The following GJA9 variants were observed in gnomAD, a reference collection of about 807,000 sequenced individuals.
GJA9 encodes gap junction alpha-9 protein.
In GJA9, 1 loss-of-function variant was observed where a neutral mutation model predicts 0.4. The ratio of observed to expected loss-of-function variants is 2.50; its 90% CI spans 0.89 to 11.88. The LOEUF is 11.88. Ranked by LOEUF, GJA9 falls within the 30% of genes most tolerant of loss-of-function variation. GJA9 has a pLI of 0.12. For synonymous variants in GJA9, 190 were observed against 219.1 expected, an observed-to-expected ratio of 0.87 and a Z score of 1.17; for missense variants, 550 against 602.8, an observed-to-expected ratio of 0.91 and a Z score of 0.92.
Position 38,876,085 on chromosome 1 carries a change from T to C in GJA9, c.14A>G (p.Asn5Ser). 1.2e-6 allele frequency: 2 copies of C among 1,613,192 alleles called. No individual in the cohort carries two copies. The highest frequency in any genetic ancestry group is 1.7e-6 in the Non-Finnish European group (2 of 1,179,300). ...TTCCTCCAGAGTATCTCCAAGGAGA[T>C]TCCAGTCCCCCATGTTTATTTAGTC... MGDW[N>S]LLGDTLEEVH... is the part of the protein sequence containing the mutation. Residue 5 changes from asparagine (N) to serine (S), a missense_variant, in exon 2 of 2, where the codon AAT (asparagine) becomes AGT (serine). Transcript: ENST00000357771.
Position 38,874,866 on chromosome 1 carries a change from C to T in GJA9, c.1233G>A (p.Leu411=), listed in dbSNP as rs371357021. Residue 411 remains leucine, a synonymous_variant, in exon 2 of 2, where the codon TTG becomes TTA. Coordinates refer to ENST00000357771, the MANE Select transcript of GJA9 (RefSeq NM_030772.5). ...MRQSPQTVFS[L]PANCDWKPRW... is the part of the protein sequence containing the mutation. ...GCGGTTTCCAATCGCAGTTAGCTGG[C>T]AAGGAGAAAACTGTTTGGGGTGACT... The T allele has an allele frequency of 6.2e-7, 1 of 1,614,046 alleles. No individual in the cohort carries two copies. The highest frequency in any genetic ancestry group is 1.3e-5 in the African/African-American group (1 of 74,902).
In GJA9 at chr1:38,875,204, T is replaced by C; in HGVS notation, c.895A>G (p.Ser299Gly). ...EKQTHTAVYP[S>G]LNSSSVFQPN... ...TGGAATACAGAAGATGAATTTAAAC[T>C]AGGGTACACTGCAGTGTGTGTTTGC... is the stretch of plus-strand genomic sequence containing the variant. The change falls in exon 2 of 2, where the codon AGT (serine) becomes GGT (glycine). Residue 299 changes from serine to glycine, a missense_variant. Coordinates refer to ENST00000357771, the MANE Select transcript of GJA9 (RefSeq NM_030772.5). 1 of 1,614,168 alleles carries C rather than the reference T, an allele frequency of 6.2e-7. No homozygotes were observed. Among genetic ancestry groups the C allele is most frequent in the Non-Finnish European group, 8.5e-7 (1 of 1,179,998 alleles).
chr1:38,878,383 G>A (rs9439082), intron 1 of GJA9, among the ~76,000 whole-genome samples: 54,440 of 150,896 alleles, frequency 0.36, 10,956 homozygotes, highest in Non-Finnish European at 0.45. Context: ...AAATTCTTAC[G>A]TTAAAATGAA....
Position 38,877,659 on chromosome 1 carries a change from G to A in GJA9, c.-95-1466C>T, listed in dbSNP as rs1436360297. On this transcript the variant is annotated intron_variant, in intron 1 of 1. Transcript: ENST00000357771. ...TTACAGGCGCCTGCCAACACCCCCC[G>A]GGATAATTTTTTGTATTTTAGTAGA... Among the ~76,000 whole-genome samples the A allele has an allele frequency of 3.3e-5, 5 of 151,968 alleles. No individual in the cohort carries two copies. The East Asian group carries it at 5.9e-4, about 18-fold the overall frequency.
chr1:38,878,030 A>G (rs928364472), intron 1 of GJA9, among the ~76,000 whole-genome samples: 7 of 152,150 alleles, frequency 4.6e-5, no homozygotes, highest in Non-Finnish European at 1.0e-4. Flanking sequence ...ATTTATGAAT[A>G]TGTATAAAGT....
At position 38,875,959 on chromosome 1, in the gene GJA9, T is replaced by C; in HGVS notation, c.140A>G (p.Asp47Gly). The change falls in exon 2 of 2, where the codon GAT becomes GGT. Residue 47 changes from aspartate (D) to glycine (G), a missense_variant. By Grantham distance (94) the Asp-to-Gly change is moderately conservative. Transcript: ENST00000357771. The part of the protein sequence containing the change: ...LGVAAEDVWN[D>G]EQSGFICNTE... ...ATTGCAGATGAAGCCAGACTGCTCA[T>C]CATTCCAGACATCTTCAGCTGCTAC... 1 of 1,614,206 alleles carries C rather than the reference T, an allele frequency of 6.2e-7. No homozygotes were observed. The highest frequency in any genetic ancestry group is 8.5e-7 in the Non-Finnish European group (1 of 1,180,036).
At chr1:38,876,341 A>ACAACTCCCTGCAGCCT (rs1642587567) in intron 1 of GJA9, 148 bp from the exon 2 acceptor site, 4 of 501,246 alleles carry the variant, frequency 8.0e-6, no homozygotes, top group African/African-American at 2.0e-5. Context: ...TGTTGCAACC[A>ACAACTCCCTGCAGCCT]CAACTCCCTG....
rs1163867413 is a variant in GJA9 at position 38,874,194 on chromosome 1, A to G, written c.*357T>C. ...GCAAACAGAATTAACCCAGTGTCCA[A>G]GGTGGAATTGTATAGATCAAGAACC... On this transcript the variant is annotated 3_prime_UTR_variant, in exon 2 of 2. Coordinates refer to ENST00000357771, the MANE Select transcript of GJA9 (RefSeq NM_030772.5). 5 of 351,666 alleles carry G rather than the reference A, an allele frequency of 1.4e-5. No individual in the cohort carries two copies. Among genetic ancestry groups the G allele is most frequent in the African/African-American group, 4.2e-5 (2 of 47,120 alleles). The allele number at this position is 351,666 out of a possible 1,614,324, so 21.8% of individuals were successfully genotyped here. A position where few individuals can be genotyped will look rare whatever the true frequency, so the allele number is the denominator to read the frequency against.
Position 38,875,186 on chromosome 1 carries a change from C to G in GJA9, c.913G>C (p.Val305Leu). Residue 305 changes from valine (V) to leucine (L), a missense_variant, in exon 2 of 2, where the codon GTA becomes CTA. By Grantham distance (32) the Val-to-Leu change is conservative. Coordinates refer to ENST00000357771, the MANE Select transcript of GJA9 (RefSeq NM_030772.5). Reference sequence around the variant, plus strand: ...TGATTGTCAGGATTTGGCTGGAATACAGAAGATGAATTTAAACTAGGGTAC... The same window carrying G: ...TGATTGTCAGGATTTGGCTGGAATAGAGAAGATGAATTTAAACTAGGGTAC... The part of the protein sequence containing the change: ...AVYPSLNSSS[V>L]FQPNPDNHSV... The G allele has an allele frequency of 6.2e-7, 1 of 1,614,098 alleles. No individual in the cohort carries two copies. The highest frequency in any genetic ancestry group is 8.5e-7 in the Non-Finnish European group (1 of 1,179,978).
At chr1:38,878,883 G>A (rs868562800) in intron 1 of GJA9, among the ~76,000 whole-genome samples, 3 of 151,610 alleles carry the variant, frequency 2.0e-5, no homozygotes, top group African/African-American at 7.3e-5. Flanking sequence ...ACAGACATGC[G>A]CCACCATGCC....
At chr1:38,880,321 T>C (rs1642668493) in intron 1 of GJA9, among the ~76,000 whole-genome samples, 2 of 148,326 alleles carry the variant, frequency 1.3e-5, no homozygotes, top group Admixed American at 6.8e-5. Flanking sequence ...GAAGAATCAC[T>C]TGAACCCAGA....
In GJA9 at chr1:38,874,443, G is replaced by T; in HGVS notation, c.*108C>A. On this transcript the variant is annotated 3_prime_UTR_variant, in exon 2 of 2. Coordinates refer to ENST00000357771, the MANE Select transcript of GJA9 (RefSeq NM_030772.5). ...TGCTTAAATGAGTTTGCAGTTGTCT[G>T]TCTTAACAGCTGGTCTTTAGAGCTG... The T allele has an allele frequency of 1.3e-6, 1 of 791,906 alleles. No homozygotes were observed. Among genetic ancestry groups the T allele is most frequent in the Non-Finnish European group, 2.0e-6 (1 of 489,934 alleles). 49.1% of individuals were successfully genotyped at this position (791,906 alleles called of 1,614,324 possible). A position where few individuals can be genotyped will look rare whatever the true frequency, so the allele number is the denominator to read the frequency against.
Position 38,881,414 on chromosome 1 carries a change from A to C in GJA9, c.-96+18T>G, listed in dbSNP as rs1269918530. 7 of 701,708 alleles carry C rather than the reference A, an allele frequency of 1.0e-5. No individual in the cohort carries two copies. The highest frequency in any genetic ancestry group is 2.0e-5 in the Admixed American group (1 of 49,944). The allele number at this position is 701,708 out of a possible 1,614,324, so 43.5% of individuals were successfully genotyped here. Reference sequence around the variant, plus strand: ...CAACTCTTTCTTAATAAGCTAAAACAGAGAGATTAACACAAACCTTTCTTA... The same window carrying C: ...CAACTCTTTCTTAATAAGCTAAAACCGAGAGATTAACACAAACCTTTCTTA... On this transcript the variant is annotated intron_variant, in intron 1 of 1. Transcript: ENST00000357771.
At position 38,875,095 on chromosome 1, in the gene GJA9, G is replaced by A; in HGVS notation, c.1004C>T (p.Thr335Ile). ...AAAATGACTACAACTAGTACTAAGT[G>A]TGGAAATCTCATTAGAAAGTACAGT... Reference protein sequence around the residue: ...QETVLSNEISTLSTSCSHFQH... With the variant: ...QETVLSNEISILSTSCSHFQH... The change falls in exon 2 of 2, where the codon ACA becomes ATA. Residue 335 changes from threonine (T) to isoleucine (I), a missense_variant. Physicochemically the swap from Thr to Ile is moderately conservative, Grantham distance 89. Transcript: ENST00000357771. 1.9e-6 allele frequency: 3 copies of A among 1,614,136 alleles called. No individual in the cohort carries two copies. In the South Asian group the frequency reaches 3.3e-5, roughly 18 times the overall value.
Position 38,874,329 on chromosome 1 carries a change from T to TA in GJA9, c.*221dup, listed in dbSNP as rs35155866. On this transcript the variant is annotated 3_prime_UTR_variant, in exon 2 of 2. Transcript: ENST00000357771. ...CAGTTACATTCGAAAGGATATCATT[T>TA]AAAAAAAAAAAAATCCTGATTTGAC... 157,186 of 428,010 alleles carry TA rather than the reference T, an allele frequency of 0.37. 15,737 individuals are homozygous for TA. The highest frequency in any genetic ancestry group is 0.43 in the Admixed American group (10,439 of 24,254). The allele number at this position is 428,010 out of a possible 1,614,324, so 26.5% of individuals were successfully genotyped here. A position where few individuals can be genotyped will look rare whatever the true frequency, so the allele number is the denominator to read the frequency against.
chr1:38,881,456 G>A lies in GJA9; in HGVS notation c.-120C>T, dbSNP rs1642696036. ...CCTTTCTTAGTTTAGGTAAATCTGA[G>A]AAGCAAACCATGTTTAGAAGTTACA... On this transcript the variant is annotated 5_prime_UTR_variant, in exon 1 of 2. Transcript: ENST00000357771. 2.8e-6 allele frequency: 2 copies of A among 701,798 alleles called. No homozygotes were observed. Among genetic ancestry groups the A allele is most frequent in the Non-Finnish European group, 5.2e-6 (2 of 384,644 alleles). 43.5% of individuals were successfully genotyped at this position (701,798 alleles called of 1,614,324 possible). A position where few individuals can be genotyped will look rare whatever the true frequency, so the allele number is the denominator to read the frequency against.
chr1:38,875,866 C>T lies in GJA9; in HGVS notation c.233G>A (p.Trp78Ter). 1.2e-6 allele frequency: 2 copies of T among 1,614,182 alleles called. No homozygotes were observed. The highest frequency in any genetic ancestry group is 1.7e-6 in the Non-Finnish European group (2 of 1,180,038). ...QAFPISLIRY[W>*]VLQVIFVSSP... ...AGACACAAATATCACCTGCAGAACC[C>T]AGTATCTAATGAGGGAGATAGGAAA... The change falls in exon 2 of 2, where the codon TGG (tryptophan) becomes TAG (stop). Residue 78 changes from tryptophan to a stop codon, truncating the protein, a stop_gained. Transcript: ENST00000357771. LOFTEE classifies it low-confidence loss of function (END_TRUNC).
chr1:38,880,336 G>A (rs1298208439), intron 1 of GJA9, among the ~76,000 whole-genome samples: 1 of 148,022 alleles, frequency 6.8e-6, no homozygotes, highest in Non-Finnish European at 1.5e-5. Context: ...CCCAGAGGCA[G>A]AGGTTGCAGT....
chr1:38,875,302 T>A lies in GJA9; in HGVS notation c.797A>T (p.Lys266Ile). 6.2e-7 allele frequency: 1 copy of A among 1,614,208 alleles called. No individual in the cohort carries two copies. The highest frequency in any genetic ancestry group is 8.5e-7 in the Non-Finnish European group (1 of 1,180,038). Reference protein sequence around the residue: ...HANKAKQNVAKYQSTSANSLK... With the variant: ...HANKAKQNVAIYQSTSANSLK... ...TGAATTTGCAGATGTGCTCTGGTATTTGGCTACATTTTGTTTTGCCTTGTT... is the reference window on the plus strand; with the variant it reads ...TGAATTTGCAGATGTGCTCTGGTATATGGCTACATTTTGTTTTGCCTTGTT... The change falls in exon 2 of 2, where the codon AAA (lysine) becomes ATA (isoleucine). Residue 266 changes from lysine to isoleucine, a missense_variant. Transcript: ENST00000357771.
Sources: gnomAD v4.1 joint callset for allele counts (sites outside exome capture counted in the v4.1 genomes callset) on GRCh38, gnomAD v4.1.1 for gene constraint, MANE v1.5 for transcripts, NCBI Gene and HGNC (gene_info 2026-07-23, HGNC 2026-07-21) for gene names.